Variants in TULP1 observed in about 807,000 individuals in gnomAD.
TULP1 encodes TUB like protein 1, also known as tubby-related protein 1.
TULP1 carries 50 observed loss-of-function variants against 67.1 expected under a neutral mutation model. The observed-to-expected ratio is 0.75, with a 90% CI of 0.59 to 0.94. TULP1 has a LOEUF of 0.94. TULP1 is among the 40% of genes least tolerant of loss of function. The pLI, the probability that TULP1 is intolerant of heterozygous loss-of-function variation, is 0.00. For missense variants in TULP1, 746 were observed against 734.1 expected (o/e 1.02, Z -0.19); for synonymous variants, 297 against 294.0 (o/e 1.01, Z -0.11).
rs1301686870 is a variant in TULP1, at chr6:35,498,864, A to G, written c.1496-404T>C. Reference sequence around the variant, plus strand: ...TAGACCCCAGCTCCACCCCTTGACTAGCCCCTGGTTCCCTTCCTCAGCCTC... The same window carrying G: ...TAGACCCCAGCTCCACCCCTTGACTGGCCCCTGGTTCCCTTCCTCAGCCTC... On this transcript the variant is annotated intron_variant, in intron 14 of 14. Transcript: ENST00000229771. This position sits in a 1 kb window ranked among gnomAD's most constrained non-coding sequence, Gnocchi z 6.7. Among the ~76,000 whole-genome samples the G allele has an allele frequency of 2.6e-5, 4 of 152,072 alleles. No individual in the cohort carries two copies. The highest frequency in any genetic ancestry group is 5.9e-5 in the Non-Finnish European group (4 of 68,004).
intron 13 of TULP1, among the ~76,000 whole-genome samples, chr6:35,500,933 C>T (rs186260042): frequency 2.0e-4 from 31 of 152,332 alleles, no homozygotes; most frequent in Non-Finnish European, 3.5e-4. Context: ...AAGACTGAGC[C>T]TCCCATGACT....
chr6:35,508,138 G>T lies in TULP1; in HGVS notation c.822+1071C>A, dbSNP rs1284991519. 2.6e-5 allele frequency among the ~76,000 whole-genome samples: 4 copies of T among 152,286 alleles called. No individual in the cohort carries two copies. In the South Asian group the frequency reaches 8.3e-4, roughly 32 times the overall value. ...GCCTGGCCATGGCTGTTTTTGTTGA[G>T]CACAGGTTTGCAGTGTGTTTGAGGG... is the stretch of plus-strand genomic sequence containing the variant. On this transcript the variant is annotated intron_variant, in intron 8 of 14. Transcript: ENST00000229771.
intron 10 of TULP1, 51 bp from the exon 11 acceptor site, chr6:35,505,904 G>A (rs1251545913): frequency 6.2e-7 from 1 of 1,614,170 alleles, no homozygotes; most frequent in Admixed American, 1.7e-5. Flanking sequence ...GGTGGGAAGG[G>A]GTGGAGGTGA....
intron 11 of TULP1, 69 bp downstream of exon 11, chr6:35,505,672 G>C (rs773480682): frequency 6.3e-7 from 1 of 1,592,374 alleles, no homozygotes; most frequent in East Asian, 2.3e-5. Context: ...AGGCACAGCA[G>C]GACAGAGATG....
At chr6:35,505,501 TGTGGGCATCGCCTGG>T (rs1761061507) in intron 11 of TULP1, 1 of 1,155,974 alleles carries the variant, frequency 8.7e-7, no homozygotes, top group African/African-American at 1.5e-5. Context: ...CTGGCAGCAG[TGTGGGCATCGCCTGG>T]GTGCTCATTA....
intron 4 of TULP1, among the ~76,000 whole-genome samples, chr6:35,511,290 G>T (rs1233118652): frequency 6.6e-6 from 1 of 152,036 alleles, no homozygotes; most frequent in Non-Finnish European, 1.5e-5. Flanking sequence ...TTACACGCTC[G>T]CCTTGCCTCC....
chr6:35,509,719 C>G lies in TULP1; in HGVS notation c.633G>C (p.Gly211=). The change falls in exon 7 of 15, where the codon GGG becomes GGC. Residue 211 remains glycine (G), a synonymous_variant. Transcript: ENST00000229771. The part of the protein sequence containing the change: ...GSGEADKDPS[G]SPASARKSPA... ...GGCTCTTCCTCGCACTGGCTGGGCT[C>G]CCTGAGGGGTCCTTGTCGGCCTCCC... 6.2e-7 allele frequency: 1 copy of G among 1,614,104 alleles called. No homozygotes were observed. The highest frequency in any genetic ancestry group is 8.5e-7 in the Non-Finnish European group (1 of 1,180,022).
At position 35,512,210 on chromosome 6, in the gene TULP1, G is replaced by A; in HGVS notation, c.160C>T (p.Pro54Ser). Residue 54 changes from proline (P) to serine (S), a missense_variant, in exon 3 of 15, where the codon CCC (proline) becomes TCC (serine). Physicochemically the swap from Pro to Ser is moderately conservative, Grantham distance 74. Transcript: ENST00000229771. ...GGCTTCCGGGGCTTGGATCCCGTGG[G>A]GCAGGGGGATTCGGGGGCCTCCGTC... Reference protein sequence around the residue: ...KRTEAPESPCPTGSKPRKPGA... With the variant: ...KRTEAPESPCSTGSKPRKPGA... 1.5e-6 allele frequency: 2 copies of A among 1,366,772 alleles called. No homozygotes were observed. The highest frequency in any genetic ancestry group is 1.5e-5 in the African/African-American group (1 of 67,728). The allele number at this position is 1,366,772 out of a possible 1,614,324, so 84.7% of individuals were successfully genotyped here.
Position 35,509,916 on chromosome 6 carries a change from C to A in TULP1, c.512G>T (p.Ser171Ile). Reference sequence around the variant, plus strand: ...CAGAGGTTTCGGTGGGGGGTCAGGGCTTCCCAGGTCTCCTGGAAATGGAAG... The same window carrying A: ...CAGAGGTTTCGGTGGGGGGTCAGGGATTCCCAGGTCTCCTGGAAATGGAAG... ...KAQGPRGDLG[S>I]PDPPPKPLRV... is the part of the protein sequence containing the mutation. Residue 171 changes from serine to isoleucine, a missense_variant, in exon 6 of 15, where the codon AGC (serine) becomes ATC (isoleucine). Ser to Ile is a moderately radical substitution (Grantham distance 142). This residue lies in a region of TULP1 where 359 missense variants were observed against 341.9 expected (regional missense o/e 1.05). Coordinates refer to ENST00000229771, the MANE Select transcript of TULP1 (RefSeq NM_003322.6). The A allele has an allele frequency of 1.2e-6, 2 of 1,613,786 alleles. No homozygotes were observed. Among genetic ancestry groups the A allele is most frequent in the Non-Finnish European group, 1.7e-6 (2 of 1,179,994 alleles).
chr6:35,503,335 T>G lies in TULP1; in HGVS notation c.1323+224A>C. ...TGTGGTCAATGAAGATATGAATGGA[T>G]GTAATATATGAATTTGATGTAAACT... On this transcript the variant is annotated intron_variant, in intron 13 of 14. Transcript: ENST00000229771. The surrounding 1 kb of genome is among the most constrained non-coding windows in gnomAD (Gnocchi z 4.0). 2 of 574,286 alleles carry G rather than the reference T, an allele frequency of 3.5e-6. No individual in the cohort carries two copies. The highest frequency in any genetic ancestry group is 6.2e-6 in the Non-Finnish European group (2 of 320,540). 35.6% of individuals were successfully genotyped at this position (574,286 alleles called of 1,614,324 possible). A position where few individuals can be genotyped will look rare whatever the true frequency, so the allele number is the denominator to read the frequency against.
rs1768760675 is a variant in TULP1, at chr6:35,498,611, T to C, written c.1496-151A>G. On this transcript the variant is annotated intron_variant, in intron 14 of 14. Transcript: ENST00000229771. This position sits in a 1 kb window ranked among gnomAD's most constrained non-coding sequence, Gnocchi z 6.7. ...TCAGTTACTCAACACCCATCCCTTC[T>C]TCTATCTCACTCCACACCAGCACCA... is the stretch of plus-strand genomic sequence containing the variant. The C allele has an allele frequency of 1.6e-6, 2 of 1,228,564 alleles. No homozygotes were observed. The highest frequency in any genetic ancestry group is 3.0e-5 in the African/African-American group (2 of 67,258). The allele number at this position is 1,228,564 out of a possible 1,614,324, so 76.1% of individuals were successfully genotyped here. A position where few individuals can be genotyped will look rare whatever the true frequency, so the allele number is the denominator to read the frequency against.
chr6:35,499,904 G>A (rs1380368305), intron 14 of TULP1, 77 bp downstream of exon 14: 8 of 1,534,798 alleles, frequency 5.2e-6, no homozygotes, highest in East Asian at 4.5e-5. Flanking sequence ...TGTGTGAGGG[G>A]GTGAGGGGAG....
At chr6:35,512,748 A>G (rs2273004) in intron 1 of TULP1, 58 bp from the exon 2 acceptor site, 99,881 of 800,320 alleles carry the variant, frequency 0.12, 5,037 homozygotes, top group African/African-American at 0.36. Flanking sequence ...CATCCCACCC[A>G]CTCCCCATCC....
In TULP1 at chr6:35,509,234, C is replaced by A. The variant is rs150480343; in HGVS notation, c.797G>T (p.Gly266Val). Residue 266 changes from glycine (G) to valine (V), a missense_variant, in exon 8 of 15, where the codon GGC becomes GTC. Physicochemically the swap from Gly to Val is moderately radical, Grantham distance 109 (BLOSUM62 -3). This residue lies in a region of TULP1 where 4 missense variants were observed against 18.1 expected (regional missense o/e 0.22). Coordinates refer to ENST00000229771, the MANE Select transcript of TULP1 (RefSeq NM_003322.6). ...CTTTTTGCCTTTTCCTTTGGCTTTG[C>A]CCTTTTGATTGCTCTTCTTTATCAC... is the stretch of plus-strand genomic sequence containing the variant. ...ATVIKKSNQK[G>V]KAKGKGKKKA... 1.4e-3 allele frequency: 2,219 copies of A among 1,614,028 alleles called. 2 individuals are homozygous for A. Among genetic ancestry groups the A allele is most frequent in the Non-Finnish European group, 1.8e-3 (2,111 of 1,179,954 alleles).
chr6:35,503,333 G>C lies in TULP1; in HGVS notation c.1323+226C>G. 1.8e-6 allele frequency: 1 copy of C among 570,938 alleles called. No individual in the cohort carries two copies. 35.4% of individuals were successfully genotyped at this position (570,938 alleles called of 1,614,324 possible). A position where few individuals can be genotyped will look rare whatever the true frequency, so the allele number is the denominator to read the frequency against. ...TGTGTGGTCAATGAAGATATGAATGGATGTAATATATGAATTTGATGTAAA... is the reference window on the plus strand; with the variant it reads ...TGTGTGGTCAATGAAGATATGAATGCATGTAATATATGAATTTGATGTAAA... On this transcript the variant is annotated intron_variant, in intron 13 of 14. Coordinates refer to ENST00000229771, the MANE Select transcript of TULP1 (RefSeq NM_003322.6). This position sits in a 1 kb window ranked among gnomAD's most constrained non-coding sequence, Gnocchi z 4.0.
At chr6:35,511,607 TC>T in intron 4 of TULP1, 40 bp downstream of exon 4, 1 of 1,574,676 alleles carries the variant, frequency 6.4e-7, no homozygotes, top group Non-Finnish European at 8.6e-7. Context: ...TCTCCTTAGC[TC>T]CACCGCCCCC....
chr6:35,503,586 G>C lies in TULP1; in HGVS notation c.1296C>G (p.Asn432Lys), dbSNP rs752893076. ...TVIIPGMSAE[N>K]ERVPIRPRNA... The stretch of plus-strand genomic sequence containing the variant: ...TTCGGGGCCGGATGGGGACCCTCTC[G>C]TTCTCCGCACTCATGCCAGGAATGA... The change falls in exon 13 of 15, where the codon AAC becomes AAG. Residue 432 changes from asparagine (N) to lysine (K), a missense_variant. Physicochemically the swap from Asn to Lys is moderately conservative, Grantham distance 94 (BLOSUM62 0). Around this residue, in one of 3 missense-constraint regions of TULP1, gnomAD observed 383 missense variants for 374.1 expected, o/e 1.02. Transcript: ENST00000229771. This position sits in a 1 kb window ranked among gnomAD's most constrained non-coding sequence, Gnocchi z 4.0. The C allele has an allele frequency of 6.3e-7, 1 of 1,587,242 alleles. No individual in the cohort carries two copies. Among genetic ancestry groups the C allele is most frequent in the Non-Finnish European group, 8.6e-7 (1 of 1,166,870 alleles).
At chr6:35,500,881 T>A (rs1192884732) in intron 13 of TULP1, among the ~76,000 whole-genome samples, 1 of 152,120 alleles carries the variant, frequency 6.6e-6, no homozygotes, top group Non-Finnish European at 1.5e-5. Flanking sequence ...ATTCCAGGCA[T>A]AGGAAGGACA....
chr6:35,506,254 A>G lies in TULP1; in HGVS notation c.828+20T>C. On this transcript the variant is annotated intron_variant, in intron 9 of 14. Coordinates refer to ENST00000229771, the MANE Select transcript of TULP1 (RefSeq NM_003322.6). ...CAGGTCCCAGTGCTGAGACACGGGC[A>G]GCCCGGCAGGACAACTCACCGCTTT... is the stretch of plus-strand genomic sequence containing the variant. 2 of 1,597,086 alleles carry G rather than the reference A, an allele frequency of 1.3e-6. No homozygotes were observed. The highest frequency in any genetic ancestry group is 1.7e-6 in the Non-Finnish European group (2 of 1,171,896).
Sources: allele counts gnomAD v4.1 joint callset (sites outside exome capture counted in the v4.1 genomes callset), GRCh38; gene constraint gnomAD v4.1.1; regional missense constraint gnomAD v4.1.1; non-coding constraint Gnocchi (gnomAD v3.1); transcripts MANE v1.5; gene names NCBI Gene and HGNC (gene_info 2026-07-23, HGNC 2026-07-21).